SH3RF1: variants seen among roughly 807,000 people sequenced by gnomAD.
SH3RF1 encodes the protein SH3 domain containing ring finger 1, also known as E3 ubiquitin-protein ligase SH3RF1.
SH3RF1 carries 32 observed loss-of-function variants against 74.0 expected under a neutral mutation model. The observed-to-expected ratio is 0.43, with a 90% CI of 0.33 to 0.58. SH3RF1 has a LOEUF of 0.58. Among genes scored for constraint, SH3RF1 ranks in the 20% least tolerant of loss-of-function variants. The probability of loss-of-function intolerance (pLI) is 0.05; values close to 1 mark genes in which losing one functional copy is unlikely to be tolerated. For missense variants in SH3RF1, 954 were observed against 1,130.9 expected, an observed-to-expected ratio of 0.84 and a Z score of 2.24; for synonymous variants, 396 against 439.6, an observed-to-expected ratio of 0.90 and a Z score of 1.24.
At chr4:169,225,188 A>G (rs1730638016) in intron 2 of SH3RF1, among the ~76,000 whole-genome samples, 1 of 152,204 alleles carries the variant, frequency 6.6e-6, no homozygotes, top group African/African-American at 2.4e-5. Context: ...TGACAGGGAC[A>G]TGACCAAAGC....
chr4:169,122,816 T>C (rs1733463625), intron 6 of SH3RF1, among the ~76,000 whole-genome samples: 1 of 152,244 alleles, frequency 6.6e-6, no homozygotes, highest in South Asian at 2.1e-4. Flanking sequence ...CTTTTGCTTA[T>C]TCTTTTCTTA....
intron 6 of SH3RF1, among the ~76,000 whole-genome samples, chr4:169,125,780 C>T (rs1733514713): frequency 6.6e-6 from 1 of 152,186 alleles, no homozygotes; most frequent in East Asian, 1.9e-4. Context: ...ATCAACATGT[C>T]TGAACAGTCC....
intron 2 of SH3RF1, among the ~76,000 whole-genome samples, chr4:169,224,020 C>G (rs1417450336): frequency 6.6e-6 from 1 of 152,224 alleles, no homozygotes; most frequent in Non-Finnish European, 1.5e-5. Flanking sequence ...CTTAAAGGCA[C>G]CATTGACATT....
At chr4:169,219,837 C>T (rs1730534344) in intron 2 of SH3RF1, among the ~76,000 whole-genome samples, 2 of 152,148 alleles carry the variant, frequency 1.3e-5, no homozygotes, top group Non-Finnish European at 1.5e-5. Context: ...ATTTACATGT[C>T]GCCCTGTATG....
At chr4:169,231,515 G>A (rs1561059543) in intron 2 of SH3RF1, among the ~76,000 whole-genome samples, 2 of 152,136 alleles carry the variant, frequency 1.3e-5, no homozygotes, top group South Asian at 2.1e-4. Context: ...GCAGTGAGCC[G>A]AGATTGCACC....
chr4:169,170,584 G>A (rs532304946), intron 2 of SH3RF1, among the ~76,000 whole-genome samples: 1 of 152,234 alleles, frequency 6.6e-6, no homozygotes, highest in Non-Finnish European at 1.5e-5. Context: ...ACCAGGCTGT[G>A]AGCTATGTGA....
At chr4:169,236,716 G>A (rs1730828547) in intron 2 of SH3RF1, among the ~76,000 whole-genome samples, 1 of 152,116 alleles carries the variant, frequency 6.6e-6, no homozygotes, top group Non-Finnish European at 1.5e-5. Flanking sequence ...GCTAACTCAT[G>A]GATATCATTA....
At chr4:169,180,774 T>G (rs779410507) in intron 2 of SH3RF1, among the ~76,000 whole-genome samples, 4 of 152,172 alleles carry the variant, frequency 2.6e-5, no homozygotes, top group Non-Finnish European at 5.9e-5. Flanking sequence ...TTCTTCAACT[T>G]CATAAACTTC....
At position 169,136,499 on chromosome 4, in the gene SH3RF1, T is replaced by C. The variant is rs1733703599; in HGVS notation, c.887A>G (p.Lys296Arg). The change falls in exon 5 of 12, where the codon AAG (lysine) becomes AGG (arginine). Residue 296 changes from lysine to arginine, a missense_variant. Transcript: ENST00000284637. ...GGAGTGCCGCTTTTTGGTGTTCTTC[T>C]TGGTGTCGGAGTGCTTTGGGGCAGT... is the stretch of plus-strand genomic sequence containing the variant. ...SSTAPKHSDTKKNTKKRHSFT... is the reference protein window; with the variant it reads ...SSTAPKHSDTRKNTKKRHSFT... 1 of 1,613,798 alleles carries C rather than the reference T, an allele frequency of 6.2e-7. No homozygotes were observed. The highest frequency in any genetic ancestry group is 1.3e-5 in the African/African-American group (1 of 74,858).
At chr4:169,270,157 G>C (rs939549027) in intron 1 of SH3RF1, among the ~76,000 whole-genome samples, 27 of 152,226 alleles carry the variant, frequency 1.8e-4, no homozygotes, top group East Asian at 1.9e-4. Context: ...CCAGGAGAAC[G>C]GGAGTAAAAA....
Position 169,186,826 on chromosome 4 carries a change from G to A in SH3RF1, c.394-30147C>T, listed in dbSNP as rs541095552. Among the ~76,000 whole-genome samples the A allele has an allele frequency of 6.3e-4, 94 of 148,582 alleles. 1 individual carries two copies. Among genetic ancestry groups the A allele is most frequent in the South Asian group, 3.3e-3 (15 of 4,606 alleles). On this transcript the variant is annotated intron_variant, in intron 2 of 11. Transcript: ENST00000284637. ...TCGAGACCATCCTGGCTAACACGGTGAAACCCCATCTCTACTAAAAATACA... is the reference window on the plus strand; with the variant it reads ...TCGAGACCATCCTGGCTAACACGGTAAAACCCCATCTCTACTAAAAATACA...
chr4:169,117,631 C>T lies in SH3RF1; in HGVS notation c.1669G>A (p.Ala557Thr), dbSNP rs780821043. The change falls in exon 9 of 12, where the codon GCA becomes ACA. Residue 557 changes from alanine (A) to threonine (T), a missense_variant. By Grantham distance (58) the Ala-to-Thr change is moderately conservative. Coordinates refer to ENST00000284637, the MANE Select transcript of SH3RF1 (RefSeq NM_020870.4). ...GVAGSPSVVP[A>T]AVVSAAHIQT... ...ATGTGAGCTGCTGATACCACAGCTGCGGGGACAACACTGGGACTCCCAGCC... is the reference window on the plus strand; with the variant it reads ...ATGTGAGCTGCTGATACCACAGCTGTGGGGACAACACTGGGACTCCCAGCC... 6.8e-6 allele frequency: 11 copies of T among 1,614,074 alleles called. No individual in the cohort carries two copies. Among genetic ancestry groups the T allele is most frequent in the African/African-American group, 5.3e-5 (4 of 74,924 alleles).
rs1418078777 is a variant in SH3RF1 at position 169,096,606 on chromosome 4, T to C, written c.2580A>G (p.Lys860=). ...LKEGDIVFVH[K]KREDGWFKGT... ...CTTTGAACCAGCCATCCTCTCGTTT[T>C]TTATGAACAAACACAATATCTCCTT... The change falls in exon 12 of 12, where the codon AAA becomes AAG. Residue 860 remains lysine (K), a synonymous_variant. Coordinates refer to ENST00000284637, the MANE Select transcript of SH3RF1 (RefSeq NM_020870.4). 1 of 1,614,186 alleles carries C rather than the reference T, an allele frequency of 6.2e-7. No individual in the cohort carries two copies. The highest frequency in any genetic ancestry group is 1.7e-5 in the Admixed American group (1 of 60,026).
intron 2 of SH3RF1, among the ~76,000 whole-genome samples, chr4:169,157,289 T>G (rs1014510111): frequency 6.6e-6 from 1 of 152,224 alleles, no homozygotes; most frequent in Non-Finnish European, 1.5e-5. Flanking sequence ...GAGTGAACAG[T>G]CACAGTACCT....
rs111428443 is a variant in SH3RF1, at chr4:169,214,225, G to A, written c.393+54595C>T. On this transcript the variant is annotated intron_variant, in intron 2 of 11. Coordinates refer to ENST00000284637, the MANE Select transcript of SH3RF1 (RefSeq NM_020870.4). The stretch of plus-strand genomic sequence containing the variant: ...AGATCTGGCTGTTTAAAAGTGTGTG[G>A]CACCTCCTCCCTCACTCTCTTGCTT... Among the ~76,000 whole-genome samples the A allele has an allele frequency of 5.5e-3, 834 of 152,184 alleles. 7 individuals are homozygous for A. Among genetic ancestry groups the A allele is most frequent in the African/African-American group, 0.019 (803 of 41,516 alleles).
rs575920008 is a variant in SH3RF1, at chr4:169,096,318, G to A, written c.*201C>T. The A allele has an allele frequency of 1.3e-4, 75 of 570,474 alleles. No individual in the cohort carries two copies. The highest frequency in any genetic ancestry group is 1.3e-3 in the African/African-American group (69 of 52,724). 35.3% of individuals were successfully genotyped at this position (570,474 alleles called of 1,614,324 possible). On this transcript the variant is annotated 3_prime_UTR_variant, in exon 12 of 12. Transcript: ENST00000284637. ...AGTACAAGGCACACCTTATACATCC[G>A]AATCCAGACTAACAAAACCCACACA...
rs149220793 is a variant in SH3RF1, at chr4:169,116,527, C to G, written c.1881G>C (p.Ser627=). ...SPASVGLSHH[S]LASPQPAPLM... ...GAGGCGCAGGTTGTGGGGAGGCCAG[C>G]GAGTGATGGGACAGGCCCACAGATG... The change falls in exon 10 of 12, where the codon TCG becomes TCC. Residue 627 remains serine (S), a synonymous_variant. Transcript: ENST00000284637. 1.2e-5 allele frequency: 19 copies of G among 1,612,666 alleles called. No individual in the cohort carries two copies. Among genetic ancestry groups the G allele is most frequent in the Non-Finnish European group, 1.6e-5 (19 of 1,179,498 alleles).
chr4:169,150,890 G>C (rs759250930), intron 4 of SH3RF1, among the ~76,000 whole-genome samples: 3 of 151,896 alleles, frequency 2.0e-5, no homozygotes, highest in Non-Finnish European at 4.4e-5. Flanking sequence ...TTCTAAACTA[G>C]GTACAATCAA....
At chr4:169,199,625 A>AT (rs1734876930) in intron 2 of SH3RF1, among the ~76,000 whole-genome samples, 2 of 152,102 alleles carry the variant, frequency 1.3e-5, no homozygotes, top group South Asian at 4.1e-4. Context: ...GCAAAAAAAA[A>AT]AAAATAAATA....
Sources: allele counts gnomAD v4.1 joint callset (sites outside exome capture counted in the v4.1 genomes callset), GRCh38; gene constraint gnomAD v4.1.1; transcripts MANE v1.5; gene names NCBI Gene and HGNC (gene_info 2026-07-23, HGNC 2026-07-21).